RLIG1: variants seen among roughly 807,000 people sequenced by gnomAD.
The protein encoded by RLIG1 is RNA ligase 1.
chr12:88,048,278 T>A, the RLIG1 span: 1 of 1,598,248 alleles, frequency 6.3e-7, no homozygotes, highest in African/African-American at 1.3e-5. Context: ...TTCCAGATAC[T>A]TACATGAATT....
chr12:88,046,155 T>G, the RLIG1 span, among the ~76,000 whole-genome samples: 1 of 152,162 alleles, frequency 6.6e-6, no homozygotes, highest in Non-Finnish European at 1.5e-5. Flanking sequence ...TGGCAATGAA[T>G]AATACCATGT....
the RLIG1 span, chr12:88,048,966 C>A: frequency 5.8e-6 from 2 of 343,858 alleles, no homozygotes; most frequent in Non-Finnish European, 1.0e-5. Flanking sequence ...CACCAGAGCT[C>A]ACTGCCTATT....
chr12:88,042,207 G>A, the RLIG1 span: 1 of 152,108 alleles, frequency 6.6e-6, no homozygotes, highest in South Asian at 2.1e-4. Flanking sequence ...ACTCACAGCT[G>A]GAGATTTTTA....
At chr12:88,040,329 A>G in the RLIG1 span, 82 of 961,708 alleles carry the variant, frequency 8.5e-5, no homozygotes, top group Non-Finnish European at 1.2e-4. Context: ...TTTACAGTCT[A>G]TCTGAAATGA....
At chr12:88,041,304 T>A in the RLIG1 span, among the ~76,000 whole-genome samples, 1 of 152,234 alleles carries the variant, frequency 6.6e-6, no homozygotes, top group Non-Finnish European at 1.5e-5. Context: ...CTGAGTAATA[T>A]TCCATTGCAT....
the RLIG1 span, chr12:88,045,646 A>C: frequency 1.2e-5 from 19 of 1,613,038 alleles, no homozygotes; most frequent in Non-Finnish European, 1.6e-5. Flanking sequence ...TTAATTATGA[A>C]TTTGAAATTG....
chr12:88,037,360 C>T, the RLIG1 span, among the ~76,000 whole-genome samples: 1 of 150,782 alleles, frequency 6.6e-6, no homozygotes, highest in Non-Finnish European at 1.5e-5. Context: ...AGTCTAAAGC[C>T]TTTTATGACA....
the RLIG1 span, among the ~76,000 whole-genome samples, chr12:88,043,167 A>AT: frequency 6.6e-6 from 1 of 152,084 alleles, no homozygotes; most frequent in Non-Finnish European, 1.5e-5. Context: ...AATGAGTGAC[A>AT]TTTTGTGTAA....
At chr12:88,046,980 A>G in the RLIG1 span, 2 of 1,599,330 alleles carry the variant, frequency 1.3e-6, no homozygotes, top group East Asian at 2.3e-5. Context: ...AATAAAGGTA[A>G]TGGCAAAAAT....
chr12:88,036,063 C>T, the RLIG1 span: 10 of 1,402,248 alleles, frequency 7.1e-6, no homozygotes, highest in Non-Finnish European at 9.4e-6. Flanking sequence ...TTGGGGAAAC[C>T]CCCTAATCAG....
At chr12:88,035,727 A>C in the RLIG1 span, 2 of 1,599,292 alleles carry the variant, frequency 1.3e-6, no homozygotes, top group African/African-American at 1.3e-5. Flanking sequence ...TTCCTCCAAA[A>C]GGGAGCATCA....
At chr12:88,049,152 T>C in the RLIG1 span, 1 of 1,272,100 alleles carries the variant, frequency 7.9e-7, no homozygotes, top group Non-Finnish European at 1.1e-6. Context: ...AGTTAATAAA[T>C]AGTTAAATGA....
the RLIG1 span, chr12:88,042,396 TC>T: frequency 6.5e-6 from 1 of 152,726 alleles, no homozygotes; most frequent in African/African-American, 2.4e-5. Context: ...CATGCCTTGA[TC>T]AGGGGTCAGT....
At chr12:88,035,722 C>T in the RLIG1 span, 1 of 1,602,516 alleles carries the variant, frequency 6.2e-7, no homozygotes, top group South Asian at 1.1e-5. Flanking sequence ...GAGCCTTCCT[C>T]CAAAAGGGAG....
the RLIG1 span, among the ~76,000 whole-genome samples, chr12:88,039,783 G>A: frequency 2.0e-5 from 3 of 152,026 alleles, no homozygotes; most frequent in African/African-American, 7.2e-5. Context: ...GTACTTTTTT[G>A]TTCACCTCTG....
the RLIG1 span, among the ~76,000 whole-genome samples, chr12:88,039,011 A>C: frequency 6.6e-6 from 1 of 152,196 alleles, no homozygotes; most frequent in Non-Finnish European, 1.5e-5. Flanking sequence ...ATAGAAACTG[A>C]TGTCAATTAT....
the RLIG1 span, chr12:88,044,042 TG>T: frequency 3.7e-6 from 1 of 267,878 alleles, no homozygotes; most frequent in East Asian, 1.3e-4. Flanking sequence ...GAGGCTGAGG[TG>T]GGTGGATTGC....
chr12:88,038,129 G>A, the RLIG1 span, among the ~76,000 whole-genome samples: 1 of 152,104 alleles, frequency 6.6e-6, no homozygotes, highest in Non-Finnish European at 1.5e-5. Context: ...TTCAAATCTT[G>A]AGTACTCATG....
chr12:88,039,218 G>A, the RLIG1 span, among the ~76,000 whole-genome samples: 1 of 152,100 alleles, frequency 6.6e-6, no homozygotes, highest in Non-Finnish European at 1.5e-5. Context: ...ACTATCTTCC[G>A]TCTCTTTTGC....
Sources: gnomAD v4.1 joint callset for allele counts (sites outside exome capture counted in the v4.1 genomes callset) on GRCh38, gnomAD v4.1.1 for gene constraint, MANE v1.5 for transcripts, NCBI Gene and HGNC (gene_info 2026-07-23, HGNC 2026-07-21) for gene names.